Variants in MEF2C observed in about 807,000 individuals in gnomAD.
MEF2C encodes the protein myocyte-specific enhancer factor 2C.
A neutral mutation model predicts 50.5 loss-of-function variants in MEF2C; 6 were observed. The observed-to-expected ratio is 0.12, with a 90% CI of 0.07 to 0.23. The LOEUF is 0.23. Ranked by LOEUF, MEF2C falls within the 10% of genes least tolerant of loss-of-function variation. The pLI, the probability that MEF2C is intolerant of heterozygous loss-of-function variation, is 1.00. For missense variants in MEF2C, 276 were observed against 605.0 expected, an observed-to-expected ratio of 0.46 and a Z score of 5.70; for synonymous variants, 183 against 228.0, an observed-to-expected ratio of 0.80 and a Z score of 1.78.
rs183548872 is a variant in MEF2C at position 88,760,002 on chromosome 5, T to C, written c.402+1183A>G. On this transcript the variant is annotated intron_variant, in intron 4 of 10. Transcript: ENST00000504921. ...CAAAACATATTTTCACTTCAGTCTC[T>C]CTCATTTCTCAGGTTTAGGCTGTTT... is the stretch of plus-strand genomic sequence containing the variant. Among the ~76,000 whole-genome samples the C allele has an allele frequency of 5.1e-3, 771 of 152,392 alleles. 1 individual carries two copies. Among genetic ancestry groups the C allele is most frequent in the Middle Eastern group, 6.8e-3 (2 of 294 alleles).
chr5:88,792,640 A>G (rs1385953302), intron 3 of MEF2C, among the ~76,000 whole-genome samples: 2 of 152,136 alleles, frequency 1.3e-5, no homozygotes, highest in African/African-American at 2.4e-5. Context: ...TCCCTGTTTA[A>G]TTCAGTAGCC....
chr5:88,779,981 C>T (rs1787057768), intron 3 of MEF2C, among the ~76,000 whole-genome samples: 1 of 151,756 alleles, frequency 6.6e-6, no homozygotes, highest in Non-Finnish European at 1.5e-5. Flanking sequence ...CCCCTCTCTA[C>T]TAAAAATACA....
chr5:88,856,815 C>G (rs898337948), intron 1 of MEF2C, among the ~76,000 whole-genome samples: 1 of 152,240 alleles, frequency 6.6e-6, no homozygotes, highest in Non-Finnish European at 1.5e-5. Context: ...GCCTGGATGT[C>G]TAGGCAGAAG....
At chr5:88,740,768 C>T (rs1411354507) in intron 6 of MEF2C, 3 of 984,846 alleles carry the variant, frequency 3.0e-6, no homozygotes, top group East Asian at 2.3e-4. Flanking sequence ...TGCTATTGAA[C>T]CACACTATCT....
In MEF2C at chr5:88,734,037, C is replaced by A. The variant is rs146027158; in HGVS notation, c.638-2136G>T. 1.0e-3 allele frequency: 1,010 copies of A among 982,492 alleles called. 7 individuals carry two copies. The African/African-American group carries it at 0.017, about 16-fold the overall frequency. The allele number at this position is 982,492 out of a possible 1,614,324, so 60.9% of individuals were successfully genotyped here. On this transcript the variant is annotated intron_variant, in intron 6 of 10. Transcript: ENST00000504921. ...ACTTCCTCTCACTAGAAGAAAAAAA[C>A]AAACAAAAGAGAGTATGTTCACTTA... is the stretch of plus-strand genomic sequence containing the variant.
chr5:88,817,500 G>C lies in MEF2C; in HGVS notation c.54+6235C>G, dbSNP rs1236613544. On this transcript the variant is annotated intron_variant, in intron 2 of 10. Coordinates refer to ENST00000504921, the MANE Select transcript of MEF2C (RefSeq NM_002397.5). Reference sequence around the variant, plus strand: ...ACTGAGATGGGGACATAAGAAGAGGGAAAGTTAGAAAATGTAACAGCTATG... The same window carrying C: ...ACTGAGATGGGGACATAAGAAGAGGCAAAGTTAGAAAATGTAACAGCTATG... 7.2e-5 allele frequency among the ~76,000 whole-genome samples: 11 copies of C among 151,848 alleles called. No homozygotes were observed. The East Asian group carries it at 2.1e-3, about 29-fold the overall frequency.
chr5:88,824,176 C>CTT, intron 1 of MEF2C: 1 of 953,006 alleles, frequency 1.0e-6, no homozygotes, highest in East Asian at 1.1e-4. Context: ...GCAAACTATG[C>CTT]TTTTTTAAAG....
chr5:88,864,420 T>C (rs1052358108), intron 1 of MEF2C, among the ~76,000 whole-genome samples: 41 of 151,842 alleles, frequency 2.7e-4, no homozygotes, highest in African/African-American at 9.7e-4. Flanking sequence ...TCGGAGAAAC[T>C]GCAATACCTG....
intron 5 of MEF2C, chr5:88,750,209 T>TC (rs1436605937): frequency 2.1e-5 from 9 of 419,134 alleles, no homozygotes; most frequent in African/African-American, 4.6e-5. Context: ...TATACACGAT[T>TC]TTTTTTTTTT....
intron 2 of MEF2C, among the ~76,000 whole-genome samples, chr5:88,811,559 T>C (rs1453722666): frequency 6.6e-6 from 1 of 152,146 alleles, no homozygotes; most frequent in Non-Finnish European, 1.5e-5. Context: ...TAAGAGCAAA[T>C]GGCAATATGG....
intron 2 of MEF2C, among the ~76,000 whole-genome samples, chr5:88,805,435 T>C (rs1202487707): frequency 6.6e-6 from 1 of 152,194 alleles, no homozygotes; most frequent in Non-Finnish European, 1.5e-5. Context: ...AATGCCACCA[T>C]TTTCTTCTTT....
At chr5:88,837,196 G>A (rs1167372330) in intron 1 of MEF2C, among the ~76,000 whole-genome samples, 2 of 152,062 alleles carry the variant, frequency 1.3e-5, no homozygotes, top group Non-Finnish European at 1.5e-5. Context: ...ATTGACCAAT[G>A]AATACACTGC....
chr5:88,730,791 T>A (rs1028091724), intron 7 of MEF2C, among the ~76,000 whole-genome samples: 1 of 152,198 alleles, frequency 6.6e-6, no homozygotes, highest in African/African-American at 2.4e-5. Context: ...CACTGTGCCA[T>A]AATAAACTAA....
Position 88,717,751 on chromosome 5 carries a change from G to T in MEF2C, c.*4853C>A, listed in dbSNP as rs1349325374. Reference sequence around the variant, plus strand: ...GAGATTATTATTGAATGTTAATAATGGATATATTTGATAGTCTCTAAAATG... The same window carrying T: ...GAGATTATTATTGAATGTTAATAATTGATATATTTGATAGTCTCTAAAATG... On this transcript the variant is annotated 3_prime_UTR_variant, in exon 11 of 11. Transcript: ENST00000504921. The T allele has an allele frequency of 6.6e-6, 1 of 151,980 alleles. No individual in the cohort carries two copies. Among genetic ancestry groups the T allele is most frequent in the African/African-American group, 2.4e-5 (1 of 41,384 alleles). The allele number at this position is 151,980 out of a possible 1,614,324, so 9.4% of individuals were successfully genotyped here.
intron 1 of MEF2C, among the ~76,000 whole-genome samples, chr5:88,831,618 C>G (rs535631192): frequency 4.6e-5 from 7 of 152,006 alleles, no homozygotes; most frequent in Admixed American, 3.9e-4. Context: ...TTATTTTTAT[C>G]TCTAAACCTT....
Position 88,869,302 on chromosome 5 carries a change from T to TATATAC in MEF2C, c.-143+13652_-143+13653insGTATAT, listed in dbSNP as rs1561421430. ...ACATATATATATATATATACACATATATATATATATATACACATATAGCTT... is the reference window on the plus strand; with the variant it reads ...ACATATATATATATATATACACATATATATACATATATATATATACACATATAGCTT... On this transcript the variant is annotated intron_variant, in intron 1 of 10. Transcript: ENST00000504921. 5.3e-4 allele frequency among the ~76,000 whole-genome samples: 56 copies of TATATAC among 106,116 alleles called. 3 individuals are homozygous for TATATAC. The highest frequency in any genetic ancestry group is 1.2e-3 in the African/African-American group (30 of 25,742). The allele number at this position is 106,116 out of a possible 152,430, so 69.6% of individuals were successfully genotyped here.
At chr5:88,749,214 A>G (rs1771440198) in intron 5 of MEF2C, 97 bp from the exon 6 acceptor site, 1 of 1,341,174 alleles carries the variant, frequency 7.5e-7, no homozygotes. Flanking sequence ...TCCTCTTGCA[A>G]TAGTCATAAA....
intron 1 of MEF2C, among the ~76,000 whole-genome samples, chr5:88,856,264 T>A (rs1034773118): frequency 6.6e-6 from 1 of 152,182 alleles, no homozygotes; most frequent in African/African-American, 2.4e-5. Context: ...AGCAAAGTGT[T>A]CAAGAGGTGA....
chr5:88,748,709 G>C (rs1439147584), intron 6 of MEF2C: 2 of 926,432 alleles, frequency 2.2e-6, no homozygotes, highest in African/African-American at 3.6e-5. Flanking sequence ...TCTTTGGCTG[G>C]AAAATGATTC....
Sources: gnomAD v4.1 joint callset for allele counts (sites outside exome capture counted in the v4.1 genomes callset) on GRCh38, gnomAD v4.1.1 for gene constraint, MANE v1.5 for transcripts, NCBI Gene and HGNC (gene_info 2026-07-23, HGNC 2026-07-21) for gene names.